The following TGFB3 variants were observed in gnomAD, a reference collection of about 807,000 sequenced individuals.
TGFB3 encodes transforming growth factor beta-3 proprotein.
Under a neutral mutation model 40.1 loss-of-function variants are expected in TGFB3, and 5 were observed. The ratio of observed to expected loss-of-function variants is 0.12; its 90% CI spans 0.07 to 0.26. The LOEUF is 0.26. Ranked by LOEUF, TGFB3 falls within the 10% of genes least tolerant of loss-of-function variation. TGFB3 has a pLI of 1.00. For missense variants in TGFB3, 373 were observed against 530.1 expected (o/e 0.70, Z 2.91); for synonymous variants, 184 against 205.6 (o/e 0.89, Z 0.90).
intron 1 of TGFB3, among the ~76,000 whole-genome samples, chr14:75,974,136 T>C (rs976686458): frequency 2.6e-5 from 4 of 151,498 alleles, no homozygotes; most frequent in Non-Finnish European, 5.9e-5. Flanking sequence ...TGAGACTCCA[T>C]CTCAGAAAAA....
At position 75,981,528 on chromosome 14, in the gene TGFB3, C is replaced by G. The variant is rs2140255644; in HGVS notation, c.-635G>C. On this transcript the variant is annotated 5_prime_UTR_variant, in exon 1 of 7. Transcript: ENST00000238682. This position sits in a 1 kb window ranked among gnomAD's most constrained non-coding sequence, Gnocchi z 4.7. ...GGCAGTACAGGACACACTTGTCTCT[C>G]AGGCACTCCATTCATGCTTTCTCTT... 6.3e-6 allele frequency: 1 copy of G among 158,868 alleles called. No individual in the cohort carries two copies. The highest frequency in any genetic ancestry group is 2.4e-5 in the African/African-American group (1 of 41,592). The allele number at this position is 158,868 out of a possible 1,614,324, so 9.8% of individuals were successfully genotyped here. A position where few individuals can be genotyped will look rare whatever the true frequency, so the allele number is the denominator to read the frequency against.
intron 5 of TGFB3, among the ~76,000 whole-genome samples, chr14:75,962,848 T>C (rs1233180319): frequency 6.6e-6 from 1 of 152,256 alleles, no homozygotes; most frequent in African/African-American, 2.4e-5. Context: ...TTAATTTCTC[T>C]AGCTCCAACT....
At chr14:75,973,910 G>A (rs1265412231) in intron 1 of TGFB3, among the ~76,000 whole-genome samples, 1 of 152,182 alleles carries the variant, frequency 6.6e-6, no homozygotes, top group African/African-American at 2.4e-5. Flanking sequence ...GGGAAGCCGA[G>A]GTGGGCAGAT....
At chr14:75,962,639 G>A (rs1434116776) in intron 5 of TGFB3, among the ~76,000 whole-genome samples, 1 of 152,136 alleles carries the variant, frequency 6.6e-6, no homozygotes, top group Admixed American at 6.5e-5. Flanking sequence ...TGTGTCCATA[G>A]GTGAACTCAT....
chr14:75,978,304 C>T lies in TGFB3; in HGVS notation c.352+2238G>A, dbSNP rs3917156. Among the ~76,000 whole-genome samples, 1 of 152,162 alleles carries T rather than the reference C, an allele frequency of 6.6e-6. No individual in the cohort carries two copies. Among genetic ancestry groups the T allele is most frequent in the Non-Finnish European group, 1.5e-5 (1 of 68,026 alleles). On this transcript the variant is annotated intron_variant, in intron 1 of 6. Coordinates refer to ENST00000238682, the MANE Select transcript of TGFB3 (RefSeq NM_003239.5). This position sits in a 1 kb window ranked among gnomAD's most constrained non-coding sequence, Gnocchi z 5.0. Reference sequence around the variant, plus strand: ...AAAGACAGGCTTCCTTCCCCCACCCCGCCCCGCCGCCTTGCAAGCCCCTGA... The same window carrying T: ...AAAGACAGGCTTCCTTCCCCCACCCTGCCCCGCCGCCTTGCAAGCCCCTGA...
intron 6 of TGFB3, chr14:75,960,532 G>GT (rs2035142883): frequency 9.2e-6 from 2 of 217,366 alleles, no homozygotes; most frequent in Non-Finnish European, 9.3e-6. Flanking sequence ...CATCCTTGTT[G>GT]TTGTCTTTCA....
In TGFB3 at chr14:75,963,444, G is replaced by T. The variant is rs772654040; in HGVS notation, c.798C>A (p.Arg266=). 6.2e-7 allele frequency: 1 copy of T among 1,613,226 alleles called. No homozygotes were observed. Among genetic ancestry groups the T allele is most frequent in the Non-Finnish European group, 8.5e-7 (1 of 1,179,692 alleles). Residue 266 remains arginine, a synonymous_variant, in exon 5 of 7, where the codon CGC becomes CGA. Transcript: ENST00000238682. ...TGTGGTGATCCTTCTGCTTCTTGAGGCGCCCCAGATCTCCACGGCCATGGT... is the reference window on the plus strand; with the variant it reads ...TGTGGTGATCCTTCTGCTTCTTGAGTCGCCCCAGATCTCCACGGCCATGGT... The part of the protein sequence containing the change: ...EDDHGRGDLG[R]LKKQKDHHNP...
rs1594787888 is a variant in TGFB3 at position 75,971,409 on chromosome 14, A to G, written c.516+146T>C. The G allele has an allele frequency of 6.6e-6, 10 of 1,518,554 alleles. No homozygotes were observed. In the East Asian group the frequency reaches 2.4e-4, roughly 36 times the overall value. The allele number at this position is 1,518,554 out of a possible 1,614,324, so 94.1% of individuals were successfully genotyped here. On this transcript the variant is annotated intron_variant, in intron 2 of 6. Transcript: ENST00000238682. The surrounding 1 kb of genome is among the most constrained non-coding windows in gnomAD (Gnocchi z 4.5). ...CCTTAGCTAACTCTTAAGTGTTTTA[A>G]TGACAGACACAGATACGGAAACGAA...
chr14:75,974,411 A>C (rs949391549), intron 1 of TGFB3, among the ~76,000 whole-genome samples: 29 of 152,112 alleles, frequency 1.9e-4, no homozygotes, highest in Middle Eastern at 3.2e-3. Context: ...CATGATTAGA[A>C]GGGACATCAG....
chr14:75,969,538 AC>A (rs1594786904), intron 3 of TGFB3, among the ~76,000 whole-genome samples: 1 of 152,324 alleles, frequency 6.6e-6, no homozygotes, highest in East Asian at 1.9e-4. Context: ...CATGGTAAAA[AC>A]CATGAAGTTC....
At position 75,959,931 on chromosome 14, in the gene TGFB3, CTTTTTTTTTTTTTTT is replaced by C. The variant is rs71122509; in HGVS notation, c.1081-601_1081-587del. Among the ~76,000 whole-genome samples, 5 of 32,016 alleles carry C rather than the reference CTTTTTTTTTTTTTTT, an allele frequency of 1.6e-4. No individual in the cohort carries two copies. In the East Asian group the frequency reaches 5.5e-3, roughly 35 times the overall value. 21.0% of individuals were successfully genotyped at this position (32,016 alleles called of 152,430 possible). A position where few individuals can be genotyped will look rare whatever the true frequency, so the allele number is the denominator to read the frequency against. On this transcript the variant is annotated intron_variant, in intron 6 of 6. Transcript: ENST00000238682. ...CTACACTGATAACGAATTATCTTGG[CTTTTTTTTTTTTTTT>C]TTTTTTTTTTTTTTGAGTCAGAGTC...
chr14:75,980,091 G>A lies in TGFB3; in HGVS notation c.352+451C>T, dbSNP rs546065500. Among the ~76,000 whole-genome samples the A allele has an allele frequency of 2.0e-5, 3 of 152,284 alleles. No homozygotes were observed. The highest frequency in any genetic ancestry group is 1.9e-4 in the East Asian group (1 of 5,178). ...GAACTGGAAAAACTGAAACGGAGAC[G>A]TGTCACAATGAGTTGTGAAAAGCAG... On this transcript the variant is annotated intron_variant, in intron 1 of 6. Coordinates refer to ENST00000238682, the MANE Select transcript of TGFB3 (RefSeq NM_003239.5). This position sits in a 1 kb window ranked among gnomAD's most constrained non-coding sequence, Gnocchi z 4.3.
chr14:75,967,322 G>A (rs4252334), intron 3 of TGFB3, among the ~76,000 whole-genome samples: 328 of 152,310 alleles, frequency 2.2e-3, no homozygotes, highest in African/African-American at 7.4e-3. Flanking sequence ...TGTTCCAGCA[G>A]GTTCGCTCAG....
In TGFB3 at chr14:75,980,643, T is replaced by A. The variant is rs1332691426; in HGVS notation, c.251A>T (p.His84Leu). The A allele has an allele frequency of 1.2e-6, 2 of 1,614,096 alleles. No homozygotes were observed. The highest frequency in any genetic ancestry group is 2.7e-5 in the African/African-American group (2 of 74,922). The part of the protein sequence containing the change: ...NSTRELLEEM[H>L]GEREEGCTQE... ...GGTGCAGCCTTCCTCCCTCTCCCCA[T>A]GCATCTCCTCCAGCAGCTCCCGGGT... is the stretch of plus-strand genomic sequence containing the variant. Residue 84 changes from histidine (H) to leucine (L), a missense_variant, in exon 1 of 7, where the codon CAT becomes CTT. By Grantham distance (99) the His-to-Leu change is moderately conservative (BLOSUM62 -3). Coordinates refer to ENST00000238682, the MANE Select transcript of TGFB3 (RefSeq NM_003239.5). The surrounding 1 kb of genome is among the most constrained non-coding windows in gnomAD (Gnocchi z 4.3).
chr14:75,969,407 A>G (rs1459280922), intron 3 of TGFB3, among the ~76,000 whole-genome samples: 2 of 152,212 alleles, frequency 1.3e-5, no homozygotes, highest in Non-Finnish European at 2.9e-5. Context: ...GGAAAGAAAC[A>G]CAGAGGATGG....
At chr14:75,961,147 T>C in intron 5 of TGFB3, 71 bp from the exon 6 acceptor site, 1 of 1,561,956 alleles carries the variant, frequency 6.4e-7, no homozygotes, top group East Asian at 2.3e-5. Flanking sequence ...AATGCTCTCA[T>C]ATTCTCCCTT....
At chr14:75,976,585 T>C (rs1346136473) in intron 1 of TGFB3, among the ~76,000 whole-genome samples, 1 of 152,190 alleles carries the variant, frequency 6.6e-6, no homozygotes, top group Non-Finnish European at 1.5e-5. Flanking sequence ...CACAGAAAGA[T>C]CCAGATTTTC....
rs911824729 is a variant in TGFB3 at position 75,971,389 on chromosome 14, G to A, written c.517-134C>T. ...AATGCCATGGCCCTCGAGCACCTTA[G>A]CTAACTCTTAAGTGTTTTAATGACA... On this transcript the variant is annotated intron_variant, in intron 2 of 6. Coordinates refer to ENST00000238682, the MANE Select transcript of TGFB3 (RefSeq NM_003239.5). The surrounding 1 kb of genome is among the most constrained non-coding windows in gnomAD (Gnocchi z 4.5). 37 of 1,523,010 alleles carry A rather than the reference G, an allele frequency of 2.4e-5. No homozygotes were observed. The Admixed American group carries it at 5.4e-4, about 22-fold the overall frequency. 94.3% of individuals were successfully genotyped at this position (1,523,010 alleles called of 1,614,324 possible).
In TGFB3 at chr14:75,980,625, C is replaced by T; in HGVS notation, c.269G>A (p.Gly90Asp). The T allele has an allele frequency of 1.9e-6, 3 of 1,614,252 alleles. No individual in the cohort carries two copies. The highest frequency in any genetic ancestry group is 2.2e-5 in the East Asian group (1 of 44,886). ...CGACTCGGTGTTTTCCTGGGTGCAGCCTTCCTCCCTCTCCCCATGCATCTC... is the reference window on the plus strand; with the variant it reads ...CGACTCGGTGTTTTCCTGGGTGCAGTCTTCCTCCCTCTCCCCATGCATCTC... ...LEEMHGEREEGCTQENTESEY... is the reference protein window; with the variant it reads ...LEEMHGEREEDCTQENTESEY... Residue 90 changes from glycine (G) to aspartate (D), a missense_variant, in exon 1 of 7, where the codon GGC becomes GAC. Transcript: ENST00000238682. The surrounding 1 kb of genome is among the most constrained non-coding windows in gnomAD (Gnocchi z 4.3).
Sources: allele counts gnomAD v4.1 joint callset (sites outside exome capture counted in the v4.1 genomes callset), GRCh38; gene constraint gnomAD v4.1.1; non-coding constraint Gnocchi (gnomAD v3.1); transcripts MANE v1.5; gene names NCBI Gene and HGNC (gene_info 2026-07-23, HGNC 2026-07-21).